NCOA7: variants seen among roughly 807,000 people sequenced by gnomAD.
NCOA7 encodes nuclear receptor coactivator 7.
Under a neutral mutation model 104.3 loss-of-function variants are expected in NCOA7, and 45 were observed. The observed-to-expected ratio is 0.43, with a 90% CI of 0.34 to 0.55. The LOEUF is 0.55. Ranked by LOEUF, NCOA7 falls within the 20% of genes least tolerant of loss-of-function variation. NCOA7 has a pLI of 0.02. For synonymous variants in NCOA7, 398 were observed against 402.3 expected (o/e 0.99, Z 0.13); for missense variants, 1,041 against 1,119.7 (o/e 0.93, Z 1.00).
At chr6:125,921,441 A>T (rs946300736) in intron 12 of NCOA7, among the ~76,000 whole-genome samples, 5 of 151,706 alleles carry the variant, frequency 3.3e-5, no homozygotes, top group African/African-American at 1.2e-4. Context: ...CCCTGAATGC[A>T]TTTGCCCTTC....
intron 2 of NCOA7, among the ~76,000 whole-genome samples, chr6:125,847,870 C>T (rs201884461): frequency 2.9e-3 from 427 of 146,752 alleles, no homozygotes; most frequent in Middle Eastern, 3.2e-3. Flanking sequence ...AACAGGAAAC[C>T]TACAGAATGG....
At chr6:125,901,103 G>A (rs927493432) in intron 10 of NCOA7, among the ~76,000 whole-genome samples, 3 of 152,190 alleles carry the variant, frequency 2.0e-5, no homozygotes, top group East Asian at 1.9e-4. Flanking sequence ...AGTGACCAAC[G>A]AAACTGCATG....
intron 2 of NCOA7, among the ~76,000 whole-genome samples, chr6:125,834,931 G>C (rs148239102): frequency 1.3e-5 from 2 of 152,204 alleles, no homozygotes; most frequent in Non-Finnish European, 2.9e-5. Flanking sequence ...GGCATTATTA[G>C]ATTAATTTAT....
intron 10 of NCOA7, among the ~76,000 whole-genome samples, chr6:125,893,416 A>C (rs1784767010): frequency 6.6e-6 from 1 of 152,228 alleles, no homozygotes; most frequent in South Asian, 2.1e-4. Flanking sequence ...CATATGTTTC[A>C]CTGTTCTCTC....
At chr6:125,849,489 CCAAA>C (rs1489377764) in intron 2 of NCOA7, among the ~76,000 whole-genome samples, 1 of 152,156 alleles carries the variant, frequency 6.6e-6, no homozygotes, top group Non-Finnish European at 1.5e-5. Flanking sequence ...CTTGCCTTCC[CCAAA>C]CAGTGATTGC....
At chr6:125,911,277 G>C (rs573949508) in intron 10 of NCOA7, among the ~76,000 whole-genome samples, 1 of 152,220 alleles carries the variant, frequency 6.6e-6, no homozygotes, top group Non-Finnish European at 1.5e-5. Flanking sequence ...CAAGGAGCCA[G>C]CAAGTCTAGA....
intron 2 of NCOA7, among the ~76,000 whole-genome samples, chr6:125,851,221 T>C (rs1781095968): frequency 6.6e-6 from 1 of 152,152 alleles, no homozygotes; most frequent in South Asian, 2.1e-4. Flanking sequence ...AACTGAGTAA[T>C]GTACATTGTA....
chr6:125,900,586 A>G (rs927452070), intron 10 of NCOA7, among the ~76,000 whole-genome samples: 11 of 152,234 alleles, frequency 7.2e-5, no homozygotes, highest in African/African-American at 2.7e-4. Flanking sequence ...ATTGTGAAAT[A>G]TACATCACAA....
intron 2 of NCOA7, among the ~76,000 whole-genome samples, chr6:125,824,898 A>G (rs1011609010): frequency 6.6e-6 from 1 of 152,100 alleles, no homozygotes; most frequent in Non-Finnish European, 1.5e-5. Context: ...AGCTGGGACT[A>G]TAGGCACCTG....
At chr6:125,867,158 G>A (rs1053330279) in intron 3 of NCOA7, among the ~76,000 whole-genome samples, 15 of 152,040 alleles carry the variant, frequency 9.9e-5, no homozygotes, top group Non-Finnish European at 1.2e-4. Flanking sequence ...TTCCAATTAC[G>A]CTTCTGTTAC....
chr6:125,904,708 A>G (rs1465205873), intron 10 of NCOA7, among the ~76,000 whole-genome samples: 1 of 152,238 alleles, frequency 6.6e-6, no homozygotes, highest in Non-Finnish European at 1.5e-5. Context: ...CAGAATGGAC[A>G]CTGGCTGCAT....
intron 10 of NCOA7, among the ~76,000 whole-genome samples, chr6:125,901,498 C>G (rs1049607737): frequency 1.3e-5 from 2 of 152,326 alleles, no homozygotes; most frequent in Non-Finnish European, 2.9e-5. Context: ...TGCACTGAAA[C>G]CCCTTGCAGG....
At chr6:125,855,264 A>G in intron 3 of NCOA7, 24 bp downstream of exon 3, 3 of 1,516,492 alleles carry the variant, frequency 2.0e-6, no homozygotes, top group Non-Finnish European at 2.7e-6. Flanking sequence ...GCGTTACTGC[A>G]GTATTTTCAT....
Position 125,855,050 on chromosome 6 carries a change from T to G in NCOA7, c.81T>G (p.Asn27Lys). ...RLKKKKQAKQ[N>K]AETASAVATR... ...AAAAGAAAAAACAAGCCAAACAAAA[T>G]GCAGAGACAGCCTCAGCTGTAGCTA... The change falls in exon 3 of 16, where the codon AAT (asparagine) becomes AAG (lysine). Residue 27 changes from asparagine (N) to lysine (K), a missense_variant. Coordinates refer to ENST00000392477, the MANE Select transcript of NCOA7 (RefSeq NM_181782.5). 1 of 1,609,378 alleles carries G rather than the reference T, an allele frequency of 6.2e-7. No individual in the cohort carries two copies. Among genetic ancestry groups the G allele is most frequent in the Non-Finnish European group, 8.5e-7 (1 of 1,179,208 alleles).
At chr6:125,915,920 A>G (rs1233124233) in intron 11 of NCOA7, among the ~76,000 whole-genome samples, 4 of 152,178 alleles carry the variant, frequency 2.6e-5, no homozygotes, top group Non-Finnish European at 4.4e-5. Context: ...GTCACAAAAT[A>G]TTGTTATTAA....
rs547972432 is a variant in NCOA7, at chr6:125,781,229, T to C, written c.-284T>C. The C allele has an allele frequency of 6.4e-4, 97 of 152,384 alleles. 1 individual carries two copies. The highest frequency in any genetic ancestry group is 2.3e-3 in the African/African-American group (95 of 41,586). The allele number at this position is 152,384 out of a possible 1,614,324, so 9.4% of individuals were successfully genotyped here. A position where few individuals can be genotyped will look rare whatever the true frequency, so the allele number is the denominator to read the frequency against. ...TCAACTTTGAAAATGTCAGCCGTTA[T>C]AGTTGAAGAAATCTGACCCAAGAGA... On this transcript the variant is annotated 5_prime_UTR_variant, in exon 1 of 17. Coordinates refer to the NCOA7 transcript ENST00000368357.
chr6:125,927,732 C>A lies in NCOA7; in HGVS notation c.2593C>A (p.Leu865Ile). The A allele has an allele frequency of 6.2e-7, 1 of 1,613,964 alleles. No homozygotes were observed. The highest frequency in any genetic ancestry group is 1.3e-5 in the African/African-American group (1 of 75,042). ...CTATTATGGCACAGGCGAAACTTTT[C>A]TCTACACATTCAGCCCTCATTTTAA... ...DHYYGTGETFLYTFSPHFKVF... is the reference protein window; with the variant it reads ...DHYYGTGETFIYTFSPHFKVF... The change falls in exon 14 of 16, where the codon CTC (leucine) becomes ATC (isoleucine). Residue 865 changes from leucine to isoleucine, a missense_variant. Physicochemically the swap from Leu to Ile is conservative, Grantham distance 5. Coordinates refer to ENST00000392477, the MANE Select transcript of NCOA7 (RefSeq NM_181782.5).
intron 2 of NCOA7, among the ~76,000 whole-genome samples, chr6:125,826,202 C>T (rs561282998): frequency 6.6e-6 from 1 of 152,190 alleles, no homozygotes; most frequent in African/African-American, 2.4e-5. Context: ...CAGTGTGTGT[C>T]TGTAGTCCCA....
At chr6:125,841,894 T>C (rs1210525404) in intron 2 of NCOA7, among the ~76,000 whole-genome samples, 3 of 152,224 alleles carry the variant, frequency 2.0e-5, no homozygotes, top group Admixed American at 1.3e-4. Context: ...ATACCTGATA[T>C]TAGATTATTC....
Sources: gnomAD v4.1 joint callset for allele counts (sites outside exome capture counted in the v4.1 genomes callset) on GRCh38, gnomAD v4.1.1 for gene constraint, MANE v1.5 for transcripts, NCBI Gene and HGNC (gene_info 2026-07-23, HGNC 2026-07-21) for gene names.